The following CPNE4 variants were observed in gnomAD, a reference collection of about 807,000 sequenced individuals.
CPNE4 encodes copine 4.
Under a neutral mutation model 67.9 loss-of-function variants are expected in CPNE4, and 25 were observed. The ratio of observed to expected loss-of-function variants is 0.37; its 90% CI spans 0.27 to 0.51. The LOEUF (loss-of-function observed/expected upper bound fraction) is 0.51, where lower values mean the gene tolerates loss of function less well. Among genes scored for constraint, CPNE4 ranks in the 20% least tolerant of loss-of-function variants. CPNE4 has a pLI of 0.93. For missense variants in CPNE4, 464 were observed against 690.8 expected, an observed-to-expected ratio of 0.67 and a Z score of 3.68; for synonymous variants, 242 against 244.9, an observed-to-expected ratio of 0.99 and a Z score of 0.11.
chr3:131,957,804 T>C (rs1475495813), intron 1 of CPNE4, among the ~76,000 whole-genome samples: 1 of 152,246 alleles, frequency 6.6e-6, no homozygotes, highest in Non-Finnish European at 1.5e-5. Flanking sequence ...CTGCATTTTC[T>C]GTGCCAGAAA....
chr3:131,579,260 A>G (rs1193447593), intron 9 of CPNE4, among the ~76,000 whole-genome samples: 4 of 152,256 alleles, frequency 2.6e-5, no homozygotes, highest in Non-Finnish European at 5.9e-5. Context: ...ACATCTGTTT[A>G]CAGCATGATT....
chr3:131,619,456 G>T (rs531745531), intron 7 of CPNE4, among the ~76,000 whole-genome samples: 1 of 152,012 alleles, frequency 6.6e-6, no homozygotes, highest in African/African-American at 2.4e-5. Context: ...AGACATGAAG[G>T]GCGGTAAGAG....
intron 2 of CPNE4, among the ~76,000 whole-genome samples, chr3:131,863,986 T>A (rs186644408): frequency 6.6e-6 from 1 of 151,968 alleles, no homozygotes; most frequent in African/African-American, 2.4e-5. Context: ...TTCTTGTTTT[T>A]GTCAGGTTTG....
At chr3:131,946,605 T>C (rs541300865) in intron 1 of CPNE4, among the ~76,000 whole-genome samples, 3 of 152,198 alleles carry the variant, frequency 2.0e-5, no homozygotes, top group Non-Finnish European at 4.4e-5. Context: ...TAAATTTTTG[T>C]TGTTGAGTTG....
intron 2 of CPNE4, among the ~76,000 whole-genome samples, chr3:131,743,945 A>G (rs889058833): frequency 8.7e-6 from 1 of 114,544 alleles, no homozygotes; most frequent in African/African-American, 3.2e-5. Flanking sequence ...CCTGGGCGAC[A>G]GAGCGAGACT....
At chr3:131,695,231 A>C (rs1003747686) in intron 5 of CPNE4, among the ~76,000 whole-genome samples, 1 of 152,204 alleles carries the variant, frequency 6.6e-6, no homozygotes. Flanking sequence ...TGGGGTTTCC[A>C]GCACTGGGGC....
intron 7 of CPNE4, among the ~76,000 whole-genome samples, chr3:131,667,272 TA>T (rs1361538477): frequency 7.0e-6 from 1 of 143,254 alleles, no homozygotes; most frequent in Non-Finnish European, 1.6e-5. Flanking sequence ...TGAAAGAAAT[TA>T]AAACATTTTC....
chr3:131,557,898 C>A (rs2653794), intron 11 of CPNE4, among the ~76,000 whole-genome samples: 8 of 152,030 alleles, frequency 5.3e-5, no homozygotes, highest in Admixed American at 3.3e-4. Flanking sequence ...CCTTCACACT[C>A]GAGGATGACC....
At chr3:131,801,319 A>G (rs548433805) in intron 2 of CPNE4, among the ~76,000 whole-genome samples, 1 of 140,988 alleles carries the variant, frequency 7.1e-6, no homozygotes, top group East Asian at 2.1e-4. Context: ...AATTCTGTCT[A>G]GTCACTGGAA....
At chr3:131,698,250 A>AAAAAAAAAAG (rs1560135457) in intron 4 of CPNE4, among the ~76,000 whole-genome samples, 1 of 141,002 alleles carries the variant, frequency 7.1e-6, no homozygotes, top group Non-Finnish European at 1.5e-5. Flanking sequence ...AAAAAAAAAA[A>AAAAAAAAAAG]AAAGAAAGAA....
At chr3:131,650,849 G>T (rs1350973911) in intron 7 of CPNE4, among the ~76,000 whole-genome samples, 2 of 151,074 alleles carry the variant, frequency 1.3e-5, no homozygotes, top group Non-Finnish European at 2.9e-5. Context: ...AGTAAAATGT[G>T]CCTACATTGA....
intron 6 of CPNE4, among the ~76,000 whole-genome samples, chr3:131,676,867 A>G (rs191432544): frequency 3.3e-5 from 5 of 152,122 alleles, no homozygotes; most frequent in African/African-American, 1.2e-4. Context: ...GTTTATAACA[A>G]TGACTTATAT....
chr3:131,916,603 G>T (rs2089192664), intron 1 of CPNE4, among the ~76,000 whole-genome samples: 1 of 152,048 alleles, frequency 6.6e-6, no homozygotes, highest in South Asian at 2.1e-4. Context: ...AGATAACAAA[G>T]TATAAAAAGA....
chr3:131,564,369 G>A lies in CPNE4; in HGVS notation c.928-20C>T, dbSNP rs767536177. 1.9e-6 allele frequency: 3 copies of A among 1,604,400 alleles called. No homozygotes were observed. In the Admixed American group the frequency reaches 5.1e-5, roughly 27 times the overall value. ...AGCTACCTAAAAGAGAAAAATACAA[G>A]AAAAGGTAAATTTAAAGTGGATGCA... is the stretch of plus-strand genomic sequence containing the variant. On this transcript the variant is annotated intron_variant, in intron 10 of 15. Transcript: ENST00000429747.
At chr3:131,680,415 AACAG>A (rs1044763650) in intron 6 of CPNE4, among the ~76,000 whole-genome samples, 5 of 152,230 alleles carry the variant, frequency 3.3e-5, no homozygotes, top group Admixed American at 2.0e-4. Flanking sequence ...TACATAAAGA[AACAG>A]ACAAACTAAC....
Position 131,977,057 on chromosome 3 carries a change from C to T in CPNE4, c.-2+57510G>A, listed in dbSNP as rs184835714. On this transcript the variant is annotated intron_variant, in intron 1 of 15. Transcript: ENST00000429747. ...CCTCGTGATCTGCCCGCCTCAGCCT[C>T]CCAAAGTGCTGGGATTACAGGCATG... 1.8e-4 allele frequency among the ~76,000 whole-genome samples: 28 copies of T among 152,270 alleles called. No homozygotes were observed. The South Asian group carries it at 1.9e-3, about 10-fold the overall frequency.
At chr3:131,813,895 C>G (rs1178407408) in intron 2 of CPNE4, among the ~76,000 whole-genome samples, 2 of 152,062 alleles carry the variant, frequency 1.3e-5, no homozygotes, top group Non-Finnish European at 2.9e-5. Flanking sequence ...TGGGGGATAC[C>G]TAGTTTTTCT....
At chr3:131,937,777 C>T (rs912858598) in intron 1 of CPNE4, among the ~76,000 whole-genome samples, 6 of 151,972 alleles carry the variant, frequency 3.9e-5, no homozygotes, top group Admixed American at 6.6e-5. Flanking sequence ...TCAGTCAAAC[C>T]ATATCATTTA....
chr3:131,580,441 CATATACA>C (rs1937743499), intron 9 of CPNE4, among the ~76,000 whole-genome samples: 1 of 83,906 alleles, frequency 1.2e-5, no homozygotes, highest in Admixed American at 1.1e-4. Context: ...TATACATATA[CATATACA>C]TATACATATA....
Sources: gnomAD v4.1 joint callset for allele counts (sites outside exome capture counted in the v4.1 genomes callset) on GRCh38, gnomAD v4.1.1 for gene constraint, MANE v1.5 for transcripts, NCBI Gene and HGNC (gene_info 2026-07-23, HGNC 2026-07-21) for gene names.